CHD4: variants seen among roughly 807,000 people sequenced by gnomAD.
CHD4 encodes the protein ATP-dependent chromatin remodeler CHD4.
CHD4 carries 35 observed loss-of-function variants against 235.5 expected under a neutral mutation model. That is an observed-to-expected ratio of 0.15 (90% CI 0.11 to 0.20). The LOEUF (loss-of-function observed/expected upper bound fraction) is 0.20. CHD4 is among the 10% of genes least tolerant of loss of function. CHD4 has a pLI of 1.00. For missense variants in CHD4, 1,329 were observed against 2,432.3 expected, an observed-to-expected ratio of 0.55 and a Z score of 9.54; for synonymous variants, 900 against 850.2, an observed-to-expected ratio of 1.06 and a Z score of -1.02.
At chr12:6,586,368 T>C (rs559194594) in intron 25 of CHD4, among the ~76,000 whole-genome samples, 1 of 152,186 alleles carries the variant, frequency 6.6e-6, no homozygotes, top group South Asian at 2.1e-4. Flanking sequence ...ACCACTGCAC[T>C]CCAGCCTGGG....
chr12:6,602,358 A>G lies in CHD4; in HGVS notation c.222+18T>C, dbSNP rs1948611836. 1 of 1,612,280 alleles carries G rather than the reference A, an allele frequency of 6.2e-7. No homozygotes were observed. The highest frequency in any genetic ancestry group is 8.5e-7 in the Non-Finnish European group (1 of 1,179,692). Reference sequence around the variant, plus strand: ...CCTTCTTCCTCTGATTCCCCGTAACATTCAGTCACCCACTCACCTCCTTTT... The same window carrying G: ...CCTTCTTCCTCTGATTCCCCGTAACGTTCAGTCACCCACTCACCTCCTTTT... On this transcript the variant is annotated intron_variant, in intron 3 of 39. Coordinates refer to ENST00000544040, the MANE Select transcript of CHD4 (RefSeq NM_001273.5).
chr12:6,593,698 C>G lies in CHD4; in HGVS notation c.2314-82G>C. The G allele has an allele frequency of 7.6e-7, 1 of 1,313,216 alleles. No homozygotes were observed. Among genetic ancestry groups the G allele is most frequent in the Non-Finnish European group, 1.1e-6 (1 of 933,296 alleles). The allele number at this position is 1,313,216 out of a possible 1,614,324, so 81.3% of individuals were successfully genotyped here. On this transcript the variant is annotated intron_variant, in intron 15 of 39. Transcript: ENST00000544040. This position sits in a 1 kb window ranked among gnomAD's most constrained non-coding sequence, Gnocchi z 4.9. ...CGAACACCCACCACCCTGCTGCCCC[C>G]TCAAGCTGAGCCAAGGACTGACACA...
Position 6,601,402 on chromosome 12 carries a change from G to A in CHD4, c.686C>T (p.Ala229Val). ...CACCACAGCTACCGCTGCTGCTGCC[G>A]CAGCTGCCACTGATGCCCCAGAACT... is the stretch of plus-strand genomic sequence containing the variant. ...KGSSGASVAA[A>V]AAAAVAVVES... The change falls in exon 6 of 40, where the codon GCG (alanine) becomes GTG (valine). Residue 229 changes from alanine (A) to valine (V), a missense_variant. Physicochemically the swap from Ala to Val is moderately conservative, Grantham distance 64 (BLOSUM62 0). Around this residue, in one of 26 missense-constraint regions of CHD4, gnomAD observed 160 missense variants for 196.6 expected, o/e 0.81. Coordinates refer to ENST00000544040, the MANE Select transcript of CHD4 (RefSeq NM_001273.5). 1.9e-6 allele frequency: 3 copies of A among 1,614,112 alleles called. No individual in the cohort carries two copies. Among genetic ancestry groups the A allele is most frequent in the Non-Finnish European group, 2.5e-6 (3 of 1,180,028 alleles).
At chr12:6,599,637 C>T (rs1948556211) in intron 10 of CHD4, 136 bp downstream of exon 10, 14 of 1,092,752 alleles carry the variant, frequency 1.3e-5, no homozygotes, top group Middle Eastern at 2.3e-4. Context: ...TATCCCAACA[C>T]TATAGGATGA....
rs1400381177 is a variant in CHD4, at chr12:6,570,428, G to A, written c.*248C>T. On this transcript the variant is annotated 3_prime_UTR_variant, in exon 40 of 40. Coordinates refer to ENST00000544040, the MANE Select transcript of CHD4 (RefSeq NM_001273.5). ...GGCGTTACAGTGGGGAGAAGCCAGG[G>A]TCCAGAAGGCCAGCCCGCCAGCTCC... 5.4e-6 allele frequency: 3 copies of A among 560,038 alleles called. No individual in the cohort carries two copies. Among genetic ancestry groups the A allele is most frequent in the Non-Finnish European group, 9.5e-6 (3 of 314,874 alleles). The allele number at this position is 560,038 out of a possible 1,614,324, so 34.7% of individuals were successfully genotyped here.
intron 18 of CHD4, 23 bp downstream of exon 18, chr12:6,592,673 A>ATTATC (rs933533582): frequency 9.3e-6 from 15 of 1,610,108 alleles, no homozygotes; most frequent in Admixed American, 3.4e-5. Context: ...TTATGAGCCG[A>ATTATC]TTACAGATAA....
chr12:6,604,248 TTGGC>T (rs1948650673), intron 2 of CHD4, among the ~76,000 whole-genome samples: 1 of 152,136 alleles, frequency 6.6e-6, no homozygotes, highest in Non-Finnish European at 1.5e-5. Context: ...CACTCCAACC[TTGGC>T]GACAGAGTGA....
At chr12:6,589,915 T>C (rs777768234) in intron 22 of CHD4, among the ~76,000 whole-genome samples, 21 of 152,090 alleles carry the variant, frequency 1.4e-4, no homozygotes, top group Non-Finnish European at 2.5e-4. Context: ...AGTATCTATA[T>C]TGACCAGGCA....
chr12:6,583,031 T>C lies in CHD4; in HGVS notation c.4143A>G (p.Ser1381=). The change falls in exon 27 of 40, where the codon TCA becomes TCG. Residue 1381 remains serine, a synonymous_variant. Transcript: ENST00000544040. ...EEGDEDFDER[S]EAPRRPSRKG... is the part of the protein sequence containing the mutation. ...CAAAAAAAGCACAGCCCTCACCTTC[T>C]GAACGTTCATCAAAGTCTTCATCAC... 1 of 1,575,350 alleles carries C rather than the reference T, an allele frequency of 6.3e-7. No individual in the cohort carries two copies. The highest frequency in any genetic ancestry group is 8.6e-7 in the Non-Finnish European group (1 of 1,162,310).
intron 2 of CHD4, 118 bp from the exon 3 acceptor site, chr12:6,602,615 G>C: frequency 7.8e-7 from 1 of 1,288,540 alleles, no homozygotes; most frequent in Non-Finnish European, 1.1e-6. Flanking sequence ...CCTCTGAAGA[G>C]AACTGCTATA....
intron 30 of CHD4, 39 bp from the exon 31 acceptor site, chr12:6,581,853 G>C: frequency 6.7e-7 from 1 of 1,497,908 alleles, no homozygotes; most frequent in Non-Finnish European, 8.9e-7. Flanking sequence ...CCCAATTCCA[G>C]CTACAGGCTC....
chr12:6,575,656 G>T (rs941395973), intron 37 of CHD4, among the ~76,000 whole-genome samples: 6 of 152,006 alleles, frequency 3.9e-5, no homozygotes, highest in African/African-American at 1.5e-4. Flanking sequence ...ATAATCTTAT[G>T]AATGCTGTTT....
intron 2 of CHD4, 133 bp from the exon 3 acceptor site, chr12:6,602,630 G>A (rs901388328): frequency 1.3e-5 from 15 of 1,184,652 alleles, no homozygotes; most frequent in Admixed American, 7.0e-5. Context: ...GCTATACTCT[G>A]TACAGGAGGA....
chr12:6,582,350 C>T (rs898591886), intron 29 of CHD4, 69 bp from the exon 30 acceptor site: 5 of 1,487,880 alleles, frequency 3.4e-6, no homozygotes, highest in Admixed American at 2.3e-5. Flanking sequence ...TCCATCCCTT[C>T]GTGAGGCATT....
At chr12:6,571,720 GGAGGCA>G (rs1169822695) in intron 38 of CHD4, 1 of 132,894 alleles carries the variant, frequency 7.5e-6, no homozygotes, top group Non-Finnish European at 1.5e-5. Flanking sequence ...CAGCACTTTG[GGAGGCA>G]GAGGCGGTGG....
Position 6,593,369 on chromosome 12 carries a change from A to G in CHD4, c.2514+47T>C. On this transcript the variant is annotated intron_variant, in intron 16 of 39. Coordinates refer to ENST00000544040, the MANE Select transcript of CHD4 (RefSeq NM_001273.5). This position sits in a 1 kb window ranked among gnomAD's most constrained non-coding sequence, Gnocchi z 4.9. ...AGATCACAAGGAGGTAAACTAAGCCAGAAGCCACAACTCTTTCTCTAGGGT... is the reference window on the plus strand; with the variant it reads ...AGATCACAAGGAGGTAAACTAAGCCGGAAGCCACAACTCTTTCTCTAGGGT... 6.2e-7 allele frequency: 1 copy of G among 1,605,990 alleles called. No individual in the cohort carries two copies. Among genetic ancestry groups the G allele is most frequent in the Middle Eastern group, 1.7e-4 (1 of 5,898 alleles).
intron 25 of CHD4, among the ~76,000 whole-genome samples, chr12:6,586,439 A>C (rs972482379): frequency 3.3e-5 from 5 of 151,908 alleles, no homozygotes; most frequent in South Asian, 2.1e-4. Flanking sequence ...TACATACACA[A>C]GGAGGCCTGG....
At chr12:6,578,574 A>C in intron 34 of CHD4, 28 bp from the exon 35 acceptor site, 2 of 1,606,902 alleles carry the variant, frequency 1.2e-6, no homozygotes, top group Non-Finnish European at 8.5e-7. Context: ...GAAAAATGTC[A>C]GCTCCAGCCA....
intron 10 of CHD4, 147 bp from the exon 11 acceptor site, chr12:6,598,572 A>G: frequency 1.5e-6 from 1 of 663,718 alleles, no homozygotes; most frequent in Non-Finnish European, 2.5e-6. Context: ...GCACCTTGGG[A>G]GGCCGAGGCG....
Sources: allele counts gnomAD v4.1 joint callset (sites outside exome capture counted in the v4.1 genomes callset), GRCh38; gene constraint gnomAD v4.1.1; regional missense constraint gnomAD v4.1.1; non-coding constraint Gnocchi (gnomAD v3.1); transcripts MANE v1.5; gene names NCBI Gene and HGNC (gene_info 2026-07-23, HGNC 2026-07-21).